MEIS2: variants seen among roughly 807,000 people sequenced by gnomAD.
MEIS2 encodes the protein homeobox protein Meis2.
MEIS2 carries 9 observed loss-of-function variants against 58.6 expected under a neutral mutation model. That is an observed-to-expected ratio of 0.15 (90% CI 0.09 to 0.27). MEIS2 has a LOEUF of 0.27. MEIS2 is among the 10% of genes least tolerant of loss of function. The pLI, the probability that MEIS2 is intolerant of heterozygous loss-of-function variation, is 1.00. For missense variants in MEIS2, 427 were observed against 635.0 expected (o/e 0.67, Z 3.52); for synonymous variants, 221 against 228.4 (o/e 0.97, Z 0.29).
chr15:37,038,854 C>T (rs762281319), intron 7 of MEIS2, among the ~76,000 whole-genome samples: 1 of 152,204 alleles, frequency 6.6e-6, no homozygotes, highest in Non-Finnish European at 1.5e-5. Flanking sequence ...CACCCAAGCT[C>T]GTGCAGGGAC....
intron 8 of MEIS2, 45 bp from the exon 9 acceptor site, chr15:36,950,445 A>G: frequency 6.4e-7 from 1 of 1,556,110 alleles, no homozygotes; most frequent in Non-Finnish European, 8.8e-7. Context: ...AGAAGTTAAG[A>G]AAGAGTCACT....
intron 8 of MEIS2, among the ~76,000 whole-genome samples, chr15:36,979,729 T>C (rs991307060): frequency 6.8e-6 from 1 of 147,440 alleles, no homozygotes; most frequent in African/African-American, 2.5e-5. Context: ...AATTACATTT[T>C]ACATTTATTA....
At chr15:37,060,976 G>A (rs1212142430) in intron 7 of MEIS2, among the ~76,000 whole-genome samples, 2 of 152,144 alleles carry the variant, frequency 1.3e-5, no homozygotes, top group African/African-American at 2.4e-5. Flanking sequence ...ATCAAGGAAG[G>A]AAATTAATGA....
chr15:36,935,647 G>A (rs1311227957), intron 9 of MEIS2, among the ~76,000 whole-genome samples: 2 of 151,996 alleles, frequency 1.3e-5, no homozygotes, highest in Non-Finnish European at 2.9e-5. Context: ...TTTTCTTTCT[G>A]AGATAATTTA....
chr15:36,919,127 G>A (rs2057394803), intron 9 of MEIS2, among the ~76,000 whole-genome samples: 1 of 152,092 alleles, frequency 6.6e-6, no homozygotes, highest in African/African-American at 2.4e-5. Context: ...GCTGCAGTGA[G>A]CTATGACCAT....
rs758035869 is a variant in MEIS2, at chr15:36,889,660, C to G, written c.*2513G>C. 6.6e-6 allele frequency: 1 copy of G among 151,908 alleles called. No individual in the cohort carries two copies. Among genetic ancestry groups the G allele is most frequent in the Non-Finnish European group, 1.5e-5 (1 of 67,998 alleles). The allele number at this position is 151,908 out of a possible 1,614,324, so 9.4% of individuals were successfully genotyped here. A position where few individuals can be genotyped will look rare whatever the true frequency, so the allele number is the denominator to read the frequency against. ...AATTGCATAAAACACATCCTAAACA[C>G]GAGCCAATTGCCAAGGAAACCCTTC... On this transcript the variant is annotated 3_prime_UTR_variant, in exon 12 of 12. Transcript: ENST00000561208.
intron 9 of MEIS2, among the ~76,000 whole-genome samples, chr15:36,929,974 G>A (rs1320613853): frequency 6.6e-6 from 1 of 152,020 alleles, no homozygotes; most frequent in African/African-American, 2.4e-5. Context: ...AGGCCAAGGT[G>A]GGTGGATCAG....
At chr15:36,967,330 G>A (rs1431389814) in intron 8 of MEIS2, among the ~76,000 whole-genome samples, 16 of 152,208 alleles carry the variant, frequency 1.1e-4, no homozygotes, top group Admixed American at 1.0e-3. Context: ...TGAATGAGGT[G>A]AGATAGGATG....
chr15:36,906,417 A>T (rs1010635238), intron 9 of MEIS2, among the ~76,000 whole-genome samples: 2 of 152,108 alleles, frequency 1.3e-5, no homozygotes, highest in Admixed American at 6.6e-5. Context: ...TGGTTGGGAG[A>T]ACTGCTGATA....
rs554378005 is a variant in MEIS2, at chr15:37,044,419, A to G, written c.755-7460T>C. On this transcript the variant is annotated intron_variant, in intron 7 of 11. Coordinates refer to ENST00000561208, the MANE Select transcript of MEIS2 (RefSeq NM_170675.5). ...TTTTGCACAGATGAGTGTATCCAAT[A>G]TGAGCCTACCCTTTATCTACAGGCT... Among the ~76,000 whole-genome samples, 22 of 152,322 alleles carry G rather than the reference A, an allele frequency of 1.4e-4. No homozygotes were observed. In the South Asian group the frequency reaches 4.6e-3, roughly 32 times the overall value.
chr15:37,080,622 A>G lies in MEIS2; in HGVS notation c.754+3149T>C, dbSNP rs985343602. Among the ~76,000 whole-genome samples the G allele has an allele frequency of 4.6e-5, 7 of 152,142 alleles. No homozygotes were observed. In the South Asian group the frequency reaches 1.4e-3, roughly 31 times the overall value. Reference sequence around the variant, plus strand: ...CTTATTATCAAACCCCATTTTACTGATGGGAAGCCAGACACAAAGAGGGCC... The same window carrying G: ...CTTATTATCAAACCCCATTTTACTGGTGGGAAGCCAGACACAAAGAGGGCC... On this transcript the variant is annotated intron_variant, in intron 7 of 11. Coordinates refer to ENST00000561208, the MANE Select transcript of MEIS2 (RefSeq NM_170675.5).
At chr15:37,087,155 G>A (rs529569949) in intron 6 of MEIS2, among the ~76,000 whole-genome samples, 18 of 151,782 alleles carry the variant, frequency 1.2e-4, no homozygotes, top group African/African-American at 4.3e-4. Context: ...TGAGCATTCA[G>A]GTATATGCAT....
At chr15:36,946,598 T>C (rs2058574984) in intron 9 of MEIS2, among the ~76,000 whole-genome samples, 1 of 151,994 alleles carries the variant, frequency 6.6e-6, no homozygotes, top group Admixed American at 6.6e-5. Context: ...CTTTATATCA[T>C]TGTATGAAAT....
chr15:36,938,364 T>A (rs969149343), intron 9 of MEIS2, among the ~76,000 whole-genome samples: 1 of 152,100 alleles, frequency 6.6e-6, no homozygotes, highest in African/African-American at 2.4e-5. Flanking sequence ...GAAAACAAAA[T>A]CATCTTCCCA....
In MEIS2 at chr15:37,099,617, A is replaced by G; in HGVS notation, c.-151T>C. On this transcript the variant is annotated 5_prime_UTR_variant, in exon 1 of 12. Transcript: ENST00000561208. ...CCAATATGCTATTTTTTAGGGGGGAAAAAAAGCCCAGTCTAGACAACGAAG... is the reference window on the plus strand; with the variant it reads ...CCAATATGCTATTTTTTAGGGGGGAGAAAAAGCCCAGTCTAGACAACGAAG... The G allele has an allele frequency of 9.0e-7, 1 of 1,117,184 alleles. No individual in the cohort carries two copies. Among genetic ancestry groups the G allele is most frequent in the Non-Finnish European group, 1.2e-6 (1 of 802,928 alleles). The allele number at this position is 1,117,184 out of a possible 1,614,324, so 69.2% of individuals were successfully genotyped here. A position where few individuals can be genotyped will look rare whatever the true frequency, so the allele number is the denominator to read the frequency against.
intron 7 of MEIS2, among the ~76,000 whole-genome samples, chr15:37,070,599 C>A (rs748119299): frequency 2.0e-5 from 3 of 152,062 alleles, no homozygotes; most frequent in Non-Finnish European, 4.4e-5. Flanking sequence ...CCACAAAGTT[C>A]TTTTTTGTTT....
intron 8 of MEIS2, among the ~76,000 whole-genome samples, chr15:37,003,471 A>G (rs75175192): frequency 6.6e-6 from 1 of 152,142 alleles, no homozygotes. Flanking sequence ...TAAAAAAAAA[A>G]TCAATAAAAG....
intron 8 of MEIS2, among the ~76,000 whole-genome samples, chr15:36,985,901 A>G (rs954907157): frequency 6.6e-6 from 1 of 152,176 alleles, no homozygotes; most frequent in African/African-American, 2.4e-5. Flanking sequence ...CACCATACTA[A>G]TTCTTTTATT....
At chr15:37,015,502 A>T (rs1264929829) in intron 8 of MEIS2, among the ~76,000 whole-genome samples, 1 of 150,264 alleles carries the variant, frequency 6.7e-6, no homozygotes. Context: ...TTCTAAGGCC[A>T]CCGATCACTG....
Sources: gnomAD v4.1 joint callset for allele counts (sites outside exome capture counted in the v4.1 genomes callset) on GRCh38, gnomAD v4.1.1 for gene constraint, MANE v1.5 for transcripts, NCBI Gene and HGNC (gene_info 2026-07-23, HGNC 2026-07-21) for gene names.